The following GLG1 variants were observed in gnomAD, a reference collection of about 807,000 sequenced individuals.
The protein encoded by GLG1 is golgi glycoprotein 1.
A neutral mutation model predicts 160.5 loss-of-function variants in GLG1; 38 were observed. That is an observed-to-expected ratio of 0.24 (90% CI 0.18 to 0.31). The LOEUF is 0.31. Ranked by LOEUF, GLG1 falls within the 10% of genes least tolerant of loss-of-function variation. The probability of loss-of-function intolerance (pLI) is 1.00; values close to 1 mark genes in which losing one functional copy is unlikely to be tolerated. For missense variants in GLG1, 1,373 were observed against 1,505.2 expected, an observed-to-expected ratio of 0.91 and a Z score of 1.45; for synonymous variants, 644 against 543.4, an observed-to-expected ratio of 1.19 and a Z score of -2.57.
At chr16:74,475,152 C>T (rs891351281) in intron 12 of GLG1, among the ~76,000 whole-genome samples, 11 of 107,054 alleles carry the variant, frequency 1.0e-4, no homozygotes, top group Middle Eastern at 3.9e-3. Flanking sequence ...AGTGAAACTC[C>T]GTCTCAAAAA....
chr16:74,511,323 G>A (rs1024870661), intron 2 of GLG1, among the ~76,000 whole-genome samples: 2 of 152,056 alleles, frequency 1.3e-5, no homozygotes, highest in African/African-American at 4.8e-5. Context: ...ACAAAAATAT[G>A]AGTAAAAGCT....
At chr16:74,560,096 C>T (rs1339101235) in intron 1 of GLG1, among the ~76,000 whole-genome samples, 1 of 152,092 alleles carries the variant, frequency 6.6e-6, no homozygotes, top group African/African-American at 2.4e-5. Flanking sequence ...GGGCCACACG[C>T]GTTTCGCCAA....
At position 74,496,567 on chromosome 16, in the gene GLG1, C is replaced by T. The variant is rs1179928621; in HGVS notation, c.852G>A (p.Lys284=). The T allele has an allele frequency of 6.2e-7, 1 of 1,613,646 alleles. No homozygotes were observed. Among genetic ancestry groups the T allele is most frequent in the Admixed American group, 1.7e-5 (1 of 59,990 alleles). The stretch of plus-strand genomic sequence containing the variant: ...TCTTGCAGAGTTCAGAAACTTGAAT[C>T]TTGGGTTCTCTTTCTTCTGCTTCTT... ...LVKEAEEREP[K]IQVSELCKKA... is the part of the protein sequence containing the mutation. The change falls in exon 5 of 26, where the codon AAG becomes AAA. Residue 284 remains lysine, a synonymous_variant. Transcript: ENST00000422840.
intron 1 of GLG1, among the ~76,000 whole-genome samples, chr16:74,603,482 T>C (rs1426799697): frequency 6.6e-6 from 1 of 151,988 alleles, no homozygotes. Context: ...CTCACTATGT[T>C]GCCAGGCTGG....
chr16:74,471,367 A>T (rs1451300800), intron 14 of GLG1, 81 bp from the exon 15 acceptor site: 10 of 802,524 alleles, frequency 1.2e-5, no homozygotes, highest in Non-Finnish European at 2.2e-5. Flanking sequence ...AACAAATGCA[A>T]GCAAGGTTAG....
chr16:74,462,338 C>G, intron 21 of GLG1, 143 bp from the exon 22 acceptor site: 1 of 825,108 alleles, frequency 1.2e-6, no homozygotes, highest in Non-Finnish European at 2.0e-6. Context: ...AAAATGCCTG[C>G]TTTTGATCTG....
chr16:74,585,150 GT>G (rs1958019997), intron 1 of GLG1, among the ~76,000 whole-genome samples: 1 of 151,996 alleles, frequency 6.6e-6, no homozygotes, highest in Non-Finnish European at 1.5e-5. Context: ...ACTCATGTCT[GT>G]AATCCCAGCA....
At chr16:74,553,796 T>C (rs1329889782) in intron 1 of GLG1, among the ~76,000 whole-genome samples, 2 of 152,150 alleles carry the variant, frequency 1.3e-5, no homozygotes, top group African/African-American at 4.8e-5. Flanking sequence ...TAAAATAGTA[T>C]AGACTTCATA....
intron 4 of GLG1, among the ~76,000 whole-genome samples, chr16:74,498,857 T>G (rs1375053806): frequency 1.2e-5 from 1 of 83,932 alleles, no homozygotes; most frequent in African/African-American, 4.9e-5. Flanking sequence ...AAGAGTGAAC[T>G]CCGTCTCAGG....
chr16:74,484,608 A>G (rs1169271292), intron 9 of GLG1, among the ~76,000 whole-genome samples: 3 of 151,972 alleles, frequency 2.0e-5, no homozygotes, highest in Non-Finnish European at 2.9e-5. Context: ...TAAAAACACA[A>G]AAATTAGCTG....
In GLG1 at chr16:74,451,290, G is replaced by A. The variant is rs928131553; in HGVS notation, c.*1877C>T. On this transcript the variant is annotated 3_prime_UTR_variant, in exon 26 of 26. Coordinates refer to ENST00000422840, the MANE Select transcript of GLG1 (RefSeq NM_001145667.2). ...GACAATCAGGAAGACCCTACAAGCAGGACCGAGGGGACTAAGCAGCTTAGC... is the reference window on the plus strand; with the variant it reads ...GACAATCAGGAAGACCCTACAAGCAAGACCGAGGGGACTAAGCAGCTTAGC... 6.6e-6 allele frequency: 1 copy of A among 152,206 alleles called. No homozygotes were observed. Among genetic ancestry groups the A allele is most frequent in the Non-Finnish European group, 1.5e-5 (1 of 68,072 alleles). 9.4% of individuals were successfully genotyped at this position (152,206 alleles called of 1,614,324 possible). A position where few individuals can be genotyped will look rare whatever the true frequency, so the allele number is the denominator to read the frequency against.
chr16:74,485,932 A>G lies in GLG1; in HGVS notation c.1450-15T>C. The G allele has an allele frequency of 6.2e-7, 1 of 1,605,924 alleles. No homozygotes were observed. The highest frequency in any genetic ancestry group is 8.5e-7 in the Non-Finnish European group (1 of 1,175,246). On this transcript the variant is annotated splice_polypyrimidine_tract_variant and intron_variant, in intron 8 of 25. Coordinates refer to ENST00000422840, the MANE Select transcript of GLG1 (RefSeq NM_001145667.2). ...AGTGTTTGAAGCTGAATTAAAATAA[A>G]TTAAGAAGGAAGAAAGAAAGTCACT...
intron 2 of GLG1, among the ~76,000 whole-genome samples, chr16:74,519,432 A>G (rs909152730): frequency 7.9e-5 from 12 of 152,122 alleles, no homozygotes; most frequent in African/African-American, 2.2e-4. Flanking sequence ...ATGTATACCT[A>G]TGTAACAAAA....
chr16:74,589,645 A>T (rs1050340825), intron 1 of GLG1, among the ~76,000 whole-genome samples: 1 of 152,360 alleles, frequency 6.6e-6, no homozygotes, highest in Non-Finnish European at 1.5e-5. Flanking sequence ...GCAGGCTGAG[A>T]ATCTGGGCTA....
intron 1 of GLG1, among the ~76,000 whole-genome samples, chr16:74,603,079 G>A (rs1958480040): frequency 6.7e-6 from 1 of 150,194 alleles, no homozygotes; most frequent in African/African-American, 2.5e-5. Context: ...AACAGGGCAA[G>A]ACTTCGTCTC....
intron 6 of GLG1, among the ~76,000 whole-genome samples, chr16:74,493,974 A>G (rs949266743): frequency 1.6e-4 from 24 of 152,068 alleles, no homozygotes; most frequent in African/African-American, 5.8e-4. Context: ...CAGGAGTTTG[A>G]GAGCAGCTTG....
intron 1 of GLG1, among the ~76,000 whole-genome samples, chr16:74,598,590 C>T (rs538186949): frequency 1.4e-5 from 2 of 147,880 alleles, no homozygotes; most frequent in Non-Finnish European, 3.0e-5. Flanking sequence ...TTAACTGCTG[C>T]TTTTAAAAAT....
At chr16:74,503,487 A>G (rs1202912291) in intron 4 of GLG1, 44 bp downstream of exon 4, 1 of 1,323,746 alleles carries the variant, frequency 7.6e-7, no homozygotes, top group Non-Finnish European at 1.1e-6. Flanking sequence ...TTCATACACC[A>G]AATTTTAAGA....
Position 74,452,266 on chromosome 16 carries a change from A to T in GLG1, c.*901T>A, listed in dbSNP as rs967963043. The stretch of plus-strand genomic sequence containing the variant: ...AGCGCAGAGCTTCCAGAGTGACTGT[A>T]GCCTCAGCAGGGCCGGTCCAGACAT... On this transcript the variant is annotated 3_prime_UTR_variant, in exon 26 of 26. Transcript: ENST00000422840. 1 of 1,485,584 alleles carries T rather than the reference A, an allele frequency of 6.7e-7. No homozygotes were observed. Among genetic ancestry groups the T allele is most frequent in the Admixed American group, 2.1e-5 (1 of 46,764 alleles). 92.0% of individuals were successfully genotyped at this position (1,485,584 alleles called of 1,614,324 possible). A position where few individuals can be genotyped will look rare whatever the true frequency, so the allele number is the denominator to read the frequency against.
Sources: gnomAD v4.1 joint callset for allele counts (sites outside exome capture counted in the v4.1 genomes callset) on GRCh38, gnomAD v4.1.1 for gene constraint, MANE v1.5 for transcripts, NCBI Gene and HGNC (gene_info 2026-07-23, HGNC 2026-07-21) for gene names.